The following ARMCX4 variants were observed in gnomAD, a reference collection of about 807,000 sequenced individuals.
The protein encoded by ARMCX4 is armadillo repeat containing X-linked 4.
ARMCX4 carries 3 observed loss-of-function variants against 34.7 expected under a neutral mutation model. The observed-to-expected ratio is 0.09, with a 90% CI of 0.04 to 0.22. ARMCX4 has a LOEUF of 0.22. ARMCX4 is among the 10% of genes least tolerant of loss of function. The pLI is 1.00. For synonymous variants in ARMCX4, 513 were observed against 632.8 expected (o/e 0.81, Z 2.84); for missense variants, 1,448 against 1,720.8 (o/e 0.84, Z 2.81).
intron 11 of ARMCX4, among the ~76,000 whole-genome samples, chrX:101,523,039 C>T (rs1347104347): frequency 9.0e-6 from 1 of 111,730 alleles, no homozygotes; most frequent in African/African-American, 3.3e-5. Context: ...AGGCTATGTA[C>T]ATATATGAAG....
In ARMCX4 at chrX:101,432,234, G is replaced by A. The variant is rs782199560; in HGVS notation, n.165-11818G>A. Among the ~76,000 whole-genome samples, 46 of 111,516 alleles carry A rather than the reference G, an allele frequency of 4.1e-4. 1 individual carries two copies. The South Asian group carries it at 0.016, about 40-fold the overall frequency. On this transcript the variant is annotated intron_variant and non_coding_transcript_variant, in intron 2 of 3. Transcript: ENST00000430461. ...TCTATGACCACTCTTGACCCTATAT[G>A]TCTTGCCTCTGGAATGGACTGAAGC...
chrX:101,438,720 T>A (rs1278379327), intron 2 of ARMCX4, among the ~76,000 whole-genome samples: 1 of 112,054 alleles, frequency 8.9e-6, no homozygotes, highest in African/African-American at 3.2e-5. Flanking sequence ...TTTACCATTA[T>A]GTAATGGCCT....
chrX:101,520,460 A>AT (rs1934826588), intron 11 of ARMCX4, among the ~76,000 whole-genome samples: 1 of 111,828 alleles, frequency 8.9e-6, no homozygotes, highest in South Asian at 3.7e-4. Context: ...TTTATCAAGC[A>AT]TTTTTTATTA....
chrX:101,504,070 C>T (rs1364035745), intron 7 of ARMCX4, among the ~76,000 whole-genome samples: 2 of 111,923 alleles, frequency 1.8e-5, no homozygotes, highest in Non-Finnish European at 3.8e-5. Flanking sequence ...TTGTTTTTGT[C>T]ATGTTTGTCA....
At chrX:101,432,945 TAC>T (rs1449052576) in intron 2 of ARMCX4, among the ~76,000 whole-genome samples, 5 of 77,447 alleles carry the variant, frequency 6.5e-5, no homozygotes, top group East Asian at 4.0e-4. Context: ...CGTGTATATA[TAC>T]ACACATGTAT....
intron 4 of ARMCX4, among the ~76,000 whole-genome samples, chrX:101,474,363 C>T (rs1380126549): frequency 1.4e-4 from 15 of 109,218 alleles, no homozygotes; most frequent in Non-Finnish European, 2.9e-4. Flanking sequence ...GATTCACAGC[C>T]GAATTCTCTC....
At chrX:101,481,413 C>T (rs1325372690), upstream of ARMCX4, among the ~76,000 whole-genome samples, 2 of 111,928 alleles carry the variant, frequency 1.8e-5, no homozygotes, top group African/African-American at 3.2e-5. Flanking sequence ...GTGAGTGTTC[C>T]GAGCATTTTT....
At chrX:101,520,730 T>TA (rs1453611777) in intron 11 of ARMCX4, among the ~76,000 whole-genome samples, 1 of 110,983 alleles carries the variant, frequency 9.0e-6, no homozygotes, top group East Asian at 2.8e-4. Context: ...GTGACGCCTT[T>TA]ATCTGATTTT....
At chrX:101,471,517 CA>C (rs1288794678) in intron 4 of ARMCX4, among the ~76,000 whole-genome samples, 1 of 111,957 alleles carries the variant, frequency 8.9e-6, no homozygotes, top group African/African-American at 3.3e-5. Context: ...AACAGGCTAT[CA>C]GATTTAGAGA....
intron 2 of ARMCX4, chrX:101,443,772 CCT>C: frequency 3.2e-6 from 1 of 314,689 alleles, no homozygotes; most frequent in Non-Finnish European, 6.0e-6. Context: ...ATATTCATGC[CCT>C]GTTTCCCCTT....
chrX:101,469,693 C>T lies in ARMCX4; in HGVS notation c.-472-16330C>T, dbSNP rs782455071. On this transcript the variant is annotated intron_variant and NMD_transcript_variant, in intron 4 of 15. Transcript: ENST00000433011. Reference sequence around the variant, plus strand: ...AAGATGTAGAATGTTTTCATCATCCCGAAAGGTCCTTTGTGCCTGTTTCTA... The same window carrying T: ...AAGATGTAGAATGTTTTCATCATCCTGAAAGGTCCTTTGTGCCTGTTTCTA... Among the ~76,000 whole-genome samples the T allele has an allele frequency of 2.5e-4, 28 of 111,399 alleles. No individual in the cohort carries two copies. The South Asian group carries it at 9.6e-3, about 38-fold the overall frequency.
chrX:101,494,120 G>C lies in ARMCX4; in HGVS notation c.5531G>C (p.Gly1844Ala). The part of the protein sequence containing the change: ...EAGAGAGAGP[G>A]TESGAGIWSW... Reference sequence around the variant, plus strand: ...GGGGCTGGGGCTGGGGCTGGGCCTGGGACTGAGTCTGGGGCTGGGATTTGG... The same window carrying C: ...GGGGCTGGGGCTGGGGCTGGGCCTGCGACTGAGTCTGGGGCTGGGATTTGG... The change falls in exon 6 of 6, where the codon GGG becomes GCG. Residue 1844 changes from glycine (G) to alanine (A), a missense_variant. By Grantham distance (60) the Gly-to-Ala change is moderately conservative (BLOSUM62 0). Around this residue, in one of 2 missense-constraint regions of ARMCX4, gnomAD observed 1,343 missense variants for 1,540.7 expected, o/e 0.87. Coordinates refer to ENST00000423738, the MANE Select transcript of ARMCX4 (RefSeq NM_001256155.3). The C allele has an allele frequency of 1.1e-6, 1 of 870,978 alleles. No homozygotes were observed. The highest frequency in any genetic ancestry group is 1.5e-6 in the Non-Finnish European group (1 of 675,063). 71.8% of individuals were successfully genotyped at this position (870,978 alleles called of 1,213,427 possible). A position where few individuals can be genotyped will look rare whatever the true frequency, so the allele number is the denominator to read the frequency against.
chrX:101,501,607 C>G (rs1556013641), intron 7 of ARMCX4, among the ~76,000 whole-genome samples: 1 of 112,383 alleles, frequency 8.9e-6, no homozygotes, highest in South Asian at 3.7e-4. Context: ...GGAGCAGTAG[C>G]AGCAGTTCTG....
chrX:101,533,062 G>T (rs1935161580), intron 12 of ARMCX4: 1 of 109,159 alleles, frequency 9.2e-6, no homozygotes, highest in Non-Finnish European at 1.9e-5. Flanking sequence ...CTTGTTCTAT[G>T]CCCTGGGCGG....
rs1786142735 is a variant in ARMCX4, at chrX:101,488,051, T to C, written c.-195T>C. The C allele has an allele frequency of 1.1e-6, 1 of 946,074 alleles. No homozygotes were observed. The highest frequency in any genetic ancestry group is 2.0e-5 in the South Asian group (1 of 49,945). The allele number at this position is 946,074 out of a possible 1,213,427, so 78.0% of individuals were successfully genotyped here. On this transcript the variant is annotated 5_prime_UTR_variant, in exon 5 of 6. Coordinates refer to ENST00000423738, the MANE Select transcript of ARMCX4 (RefSeq NM_001256155.3). ...TTTATGTATCTACTTTAGGGTGTAC[T>C]GCCAAGAGAAGCAAGAGGAGAGGAG...
At position 101,490,065 on chromosome X, in the gene ARMCX4, C is replaced by G. The variant is rs1556008216; in HGVS notation, c.1476C>G (p.Val492=). Residue 492 remains valine (V), a synonymous_variant, in exon 6 of 6, where the codon GTC becomes GTG. Coordinates refer to ENST00000423738, the MANE Select transcript of ARMCX4 (RefSeq NM_001256155.3). ...CCTTGTCTGATGGCAAAATTAAGGT[C>G]AGGGGCAATGTCAATACCATGCCTA... ...ADTLSDGKIK[V]RGNVNTMPKE... 1 of 1,155,690 alleles carries G rather than the reference C, an allele frequency of 8.7e-7. No homozygotes were observed. The highest frequency in any genetic ancestry group is 2.6e-5 in the Admixed American group (1 of 38,781).
At chrX:101,428,121 T>A (rs1929748010) in intron 2 of ARMCX4, among the ~76,000 whole-genome samples, 2 of 111,997 alleles carry the variant, frequency 1.8e-5, no homozygotes, top group South Asian at 7.4e-4. Flanking sequence ...TGCCCCAAAC[T>A]GGAAACAGAC....
rs1934147989 is a variant in ARMCX4, at chrX:101,495,107, C to T, written c.6518C>T (p.Thr2173Met). 2 of 1,154,202 alleles carry T rather than the reference C, an allele frequency of 1.7e-6. No homozygotes were observed. Among genetic ancestry groups the T allele is most frequent in the Non-Finnish European group, 2.3e-6 (2 of 871,462 alleles). Residue 2173 changes from threonine to methionine, a missense_variant, in exon 6 of 6, where the codon ACG becomes ATG. By Grantham distance (81) the Thr-to-Met change is moderately conservative (BLOSUM62 -1). Transcript: ENST00000423738. ...NYISEFLRLL[T>M]VGSGETKDHV... ...ATTTCAGAATTTCTTCGTTTGTTAA[C>T]GGTGGGAAGTGGAGAAACTAAAGAC...
At chrX:101,443,950 G>T (rs782811960) in intron 2 of ARMCX4, 4 of 378,245 alleles carry the variant, frequency 1.1e-5, no homozygotes, top group South Asian at 1.1e-4. Context: ...AGTTGGAATT[G>T]CCATCAACTA....
Sources: allele counts gnomAD v4.1 joint callset (sites outside exome capture counted in the v4.1 genomes callset), GRCh38; gene constraint gnomAD v4.1.1; regional missense constraint gnomAD v4.1.1; transcripts MANE v1.5; gene names NCBI Gene and HGNC (gene_info 2026-07-23, HGNC 2026-07-21).